The following JMJD1C variants were observed in gnomAD, a reference collection of about 807,000 sequenced individuals.
JMJD1C encodes jumonji domain-containing protein 1C.
Under a neutral mutation model 245.3 loss-of-function variants are expected in JMJD1C, and 31 were observed. The ratio of observed to expected loss-of-function variants is 0.13; its 90% CI spans 0.09 to 0.17. The LOEUF is 0.17. JMJD1C is among the 10% of genes least tolerant of loss of function. The pLI is 1.00. For synonymous variants in JMJD1C, 1,057 were observed against 1,017.4 expected, an observed-to-expected ratio of 1.04 and a Z score of -0.74; for missense variants, 2,691 against 3,000.2, an observed-to-expected ratio of 0.90 and a Z score of 2.41.
At chr10:63,438,779 T>C (rs1309125611) in intron 1 of JMJD1C, among the ~76,000 whole-genome samples, 4 of 152,282 alleles carry the variant, frequency 2.6e-5, no homozygotes, top group South Asian at 2.1e-4. Context: ...AGCTTCCTTG[T>C]TTCCTTCAGG....
At chr10:63,335,754 G>A (rs1178196770) in intron 2 of JMJD1C, among the ~76,000 whole-genome samples, 1 of 152,032 alleles carries the variant, frequency 6.6e-6, no homozygotes, top group African/African-American at 2.4e-5. Flanking sequence ...CAAGTGATCT[G>A]CCTGCCTCGG....
At chr10:63,474,328 G>A (rs1419720104) in intron 1 of JMJD1C, among the ~76,000 whole-genome samples, 1 of 152,214 alleles carries the variant, frequency 6.6e-6, no homozygotes, top group East Asian at 1.9e-4. Flanking sequence ...GGGAGTGTAA[G>A]AGTGCTTATA....
At chr10:63,457,139 T>C (rs1318693088) in intron 1 of JMJD1C, among the ~76,000 whole-genome samples, 1 of 152,048 alleles carries the variant, frequency 6.6e-6, no homozygotes, top group Non-Finnish European at 1.5e-5. Context: ...ATAACCCAAA[T>C]AAATCAAGTA....
In JMJD1C at chr10:63,189,251, A is replaced by C. The variant is rs1554829980; in HGVS notation, c.6487T>G (p.Cys2163Gly). 6.8e-6 allele frequency: 11 copies of C among 1,613,168 alleles called. No individual in the cohort carries two copies. Among genetic ancestry groups the C allele is most frequent in the Non-Finnish European group, 6.8e-6 (8 of 1,179,294 alleles). The change falls in exon 18 of 26, where the codon TGT (cysteine) becomes GGT (glycine). Residue 2163 changes from cysteine to glycine, a missense_variant. Cys to Gly is a radical substitution (Grantham distance 159). Around this residue, in one of 9 missense-constraint regions of JMJD1C, gnomAD observed 275 missense variants for 285.5 expected, o/e 0.96. Coordinates refer to ENST00000399262, the MANE Select transcript of JMJD1C (RefSeq NM_032776.3). ...TTAAGCCATAAAATATGCTTCTCAC[A>C]GATCCAAGAATGTGGTATATCACTG... ...LYSDIPHSWI[C>G]EKHILWLKDY...
At chr10:63,383,217 TAAAA>T (rs11354894) in intron 1 of JMJD1C, among the ~76,000 whole-genome samples, 2 of 144,828 alleles carry the variant, frequency 1.4e-5, no homozygotes, top group Non-Finnish European at 3.0e-5. Flanking sequence ...GAAGCTTCTT[TAAAA>T]AAAAAAAAAA....
At position 63,200,587 on chromosome 10, in the gene JMJD1C, C is replaced by T. The variant is rs1436460982; in HGVS notation, c.5165G>A (p.Cys1722Tyr). The T allele has an allele frequency of 6.2e-7, 1 of 1,613,966 alleles. No homozygotes were observed. The highest frequency in any genetic ancestry group is 1.7e-5 in the Admixed American group (1 of 60,024). ...CTTTTGTAAATTAGGCCCTATCTCACAGCAGGAGTCATCCTGTAAAAAGGA... is the reference window on the plus strand; with the variant it reads ...CTTTTGTAAATTAGGCCCTATCTCATAGCAGGAGTCATCCTGTAAAAAGGA... ...GESFLQDDSCCEIGPNLQKCR... is the reference protein window; with the variant it reads ...GESFLQDDSCYEIGPNLQKCR... Residue 1722 changes from cysteine to tyrosine, a missense_variant, in exon 11 of 26, where the codon TGT (cysteine) becomes TAT (tyrosine). Physicochemically the swap from Cys to Tyr is radical, Grantham distance 194. Coordinates refer to ENST00000399262, the MANE Select transcript of JMJD1C (RefSeq NM_032776.3).
chr10:63,346,036 A>G (rs1427355405), intron 2 of JMJD1C, among the ~76,000 whole-genome samples: 1 of 152,188 alleles, frequency 6.6e-6, no homozygotes, highest in East Asian at 1.9e-4. Context: ...ATCATGCAGC[A>G]GATATTTTTA....
In JMJD1C at chr10:63,215,119, T is replaced by C. The variant is rs759877011; in HGVS notation, c.1048A>G (p.Asn350Asp). The change falls in exon 8 of 26, where the codon AAT (asparagine) becomes GAT (aspartate). Residue 350 changes from asparagine (N) to aspartate (D), a missense_variant. Coordinates refer to ENST00000399262, the MANE Select transcript of JMJD1C (RefSeq NM_032776.3). ...NPKGKNKHLM[N>D]KRRKPEEDEK... ...TCCTCCTCAGGTTTCCTTCTTTTATTCATCAAGTGTTTGTTTTTACCTTTA... is the reference window on the plus strand; with the variant it reads ...TCCTCCTCAGGTTTCCTTCTTTTATCCATCAAGTGTTTGTTTTTACCTTTA... 1.3e-6 allele frequency: 2 copies of C among 1,571,172 alleles called. No homozygotes were observed. Among genetic ancestry groups the C allele is most frequent in the South Asian group, 2.4e-5 (2 of 82,978 alleles).
chr10:63,344,631 A>T (rs1026625923), intron 2 of JMJD1C, among the ~76,000 whole-genome samples: 5 of 152,216 alleles, frequency 3.3e-5, no homozygotes, highest in Non-Finnish European at 5.9e-5. Flanking sequence ...GACTGGTAGA[A>T]GGCCATGTAT....
chr10:63,455,875 A>G (rs1251571698), intron 1 of JMJD1C, among the ~76,000 whole-genome samples: 2 of 152,164 alleles, frequency 1.3e-5, no homozygotes, highest in South Asian at 2.1e-4. Context: ...ACTGAAAATA[A>G]ATGATATTTT....
In JMJD1C at chr10:63,327,200, C is replaced by CA. The variant is rs1295741409; in HGVS notation, c.333+53117dup. 2.0e-5 allele frequency among the ~76,000 whole-genome samples: 3 copies of CA among 151,888 alleles called. No individual in the cohort carries two copies. In the East Asian group the frequency reaches 5.8e-4, roughly 29 times the overall value. On this transcript the variant is annotated intron_variant, in intron 2 of 25. Transcript: ENST00000399262. ...AGACCTCGCCTCAAAAAAACTAAAA[C>CA]AAAAAACAGGACAGCCTACAATCTG... is the stretch of plus-strand genomic sequence containing the variant.
At chr10:63,432,354 T>C (rs2132850529) in intron 1 of JMJD1C, among the ~76,000 whole-genome samples, 1 of 152,310 alleles carries the variant, frequency 6.6e-6, no homozygotes, top group East Asian at 1.9e-4. Context: ...CCTCCTTACT[T>C]GGTGCAAGTA....
chr10:63,288,926 A>AATG (rs199655846), intron 2 of JMJD1C, among the ~76,000 whole-genome samples: 12 of 112,522 alleles, frequency 1.1e-4, no homozygotes, highest in Admixed American at 4.8e-4. Flanking sequence ...TAATAATAAT[A>AATG]ATGATAATAA....
intron 1 of JMJD1C, among the ~76,000 whole-genome samples, chr10:63,494,516 T>TA (rs913111744): frequency 6.6e-5 from 10 of 151,832 alleles, no homozygotes; most frequent in Non-Finnish European, 1.2e-4. Flanking sequence ...AATAAATAAG[T>TA]AAAAAAAATA....
chr10:63,205,989 G>A (rs1413169755), intron 10 of JMJD1C, among the ~76,000 whole-genome samples: 1 of 152,052 alleles, frequency 6.6e-6, no homozygotes, highest in Non-Finnish European at 1.5e-5. Flanking sequence ...GTGCCCAGCT[G>A]TGCATTCTGT....
intron 1 of JMJD1C, among the ~76,000 whole-genome samples, chr10:63,395,038 A>C (rs187469465): frequency 6.6e-6 from 1 of 152,318 alleles, no homozygotes; most frequent in East Asian, 1.9e-4. Context: ...TAATTCAAAA[A>C]TATGGGCAAA....
chr10:63,170,598 G>A (rs1842255655), intron 24 of JMJD1C, among the ~76,000 whole-genome samples: 2 of 152,178 alleles, frequency 1.3e-5, no homozygotes, highest in African/African-American at 2.4e-5. Flanking sequence ...CAGTCTCTTG[G>A]TTGCTGTTGT....
At chr10:63,510,802 T>C (rs561828082) in intron 1 of JMJD1C, among the ~76,000 whole-genome samples, 2 of 152,348 alleles carry the variant, frequency 1.3e-5, no homozygotes, top group South Asian at 4.1e-4. Context: ...AGTGTCCAAT[T>C]ATAATAGTAC....
Position 63,189,155 on chromosome 10 carries a change from C to G in JMJD1C, c.6570+13G>C. On this transcript the variant is annotated intron_variant, in intron 18 of 25. Transcript: ENST00000399262. ...TCCACCAAGAGTGTTCTTTATCAGC[C>G]TAAAATACACACCTGTCCTTGTTTC... 2 of 1,587,392 alleles carry G rather than the reference C, an allele frequency of 1.3e-6. No individual in the cohort carries two copies. The highest frequency in any genetic ancestry group is 1.7e-6 in the Non-Finnish European group (2 of 1,168,178).
Sources: allele counts gnomAD v4.1 joint callset (sites outside exome capture counted in the v4.1 genomes callset), GRCh38; gene constraint gnomAD v4.1.1; regional missense constraint gnomAD v4.1.1; transcripts MANE v1.5; gene names NCBI Gene and HGNC (gene_info 2026-07-23, HGNC 2026-07-21).